DKK2: variants seen among roughly 807,000 people sequenced by gnomAD.
DKK2 encodes dickkopf-related protein 2.
In DKK2, 11 loss-of-function variants were observed where a neutral mutation model predicts 28.1. The ratio of observed to expected loss-of-function variants is 0.39; its 90% CI spans 0.25 to 0.65. The LOEUF (loss-of-function observed/expected upper bound fraction) is 0.65. Ranked by LOEUF, DKK2 falls within the 30% of genes least tolerant of loss-of-function variation. The pLI is 0.47. For synonymous variants in DKK2, 135 were observed against 126.5 expected (o/e 1.07, Z -0.45); for missense variants, 326 against 335.5 (o/e 0.97, Z 0.22).
intron 1 of DKK2, among the ~76,000 whole-genome samples, chr4:106,935,088 TA>T (rs2110341426): frequency 6.6e-6 from 1 of 152,114 alleles, no homozygotes; most frequent in Non-Finnish European, 1.5e-5. Flanking sequence ...ACCTTTTGGT[TA>T]AAAAAGCATG....
chr4:106,956,899 A>C (rs1722602182), intron 1 of DKK2, among the ~76,000 whole-genome samples: 1 of 150,964 alleles, frequency 6.6e-6, no homozygotes, highest in African/African-American at 2.4e-5. Flanking sequence ...AAAATTGACA[A>C]ATGGGATCTA....
At position 106,924,664 on chromosome 4, in the gene DKK2, G is replaced by C; in HGVS notation, c.410C>G (p.Pro137Arg). 1.9e-6 allele frequency: 3 copies of C among 1,613,762 alleles called. No homozygotes were observed. Among genetic ancestry groups the C allele is most frequent in the Non-Finnish European group, 2.5e-6 (3 of 1,179,792 alleles). ...CIPVTESILT[P>R]HIPALDGTRH... ...AGTACCATCCAGAGCCGGGATGTGAGGGGTTAAGATGCTTTCAGTAACTGG... is the reference window on the plus strand; with the variant it reads ...AGTACCATCCAGAGCCGGGATGTGACGGGTTAAGATGCTTTCAGTAACTGG... The change falls in exon 3 of 4, where the codon CCT becomes CGT. Residue 137 changes from proline (P) to arginine (R), a missense_variant. Coordinates refer to ENST00000285311, the MANE Select transcript of DKK2 (RefSeq NM_014421.3).
chr4:106,991,645 A>G (rs896761904), intron 1 of DKK2, among the ~76,000 whole-genome samples: 5 of 152,108 alleles, frequency 3.3e-5, no homozygotes, highest in South Asian at 2.1e-4. Flanking sequence ...CACAGGCCCA[A>G]TTTGCCACAG....
chr4:106,946,661 T>C (rs1310149044), intron 1 of DKK2, among the ~76,000 whole-genome samples: 3 of 151,942 alleles, frequency 2.0e-5, no homozygotes, highest in Non-Finnish European at 4.4e-5. Flanking sequence ...ACATTGTGAA[T>C]CAAAATGCTC....
intron 1 of DKK2, among the ~76,000 whole-genome samples, chr4:107,001,280 A>G (rs766998166): frequency 6.6e-6 from 1 of 152,190 alleles, no homozygotes; most frequent in Non-Finnish European, 1.5e-5. Context: ...CAGAGAGAAC[A>G]TGGTTCTGCC....
intron 1 of DKK2, among the ~76,000 whole-genome samples, chr4:106,971,346 C>A (rs1404774438): frequency 6.6e-6 from 1 of 152,034 alleles, no homozygotes; most frequent in East Asian, 1.9e-4. Context: ...CCCCAGAATT[C>A]ACTTCAATGT....
At chr4:106,943,691 G>A (rs1165767285) in intron 1 of DKK2, among the ~76,000 whole-genome samples, 2 of 152,058 alleles carry the variant, frequency 1.3e-5, no homozygotes, top group Non-Finnish European at 2.9e-5. Flanking sequence ...ACTATCATCA[G>A]TTCTGCATTA....
intron 1 of DKK2, among the ~76,000 whole-genome samples, chr4:106,980,204 A>G (rs1723007981): frequency 1.3e-5 from 2 of 152,134 alleles, no homozygotes; most frequent in African/African-American, 4.8e-5. Flanking sequence ...CATCTGAAGC[A>G]CTAGTATTAT....
chr4:106,937,345 C>A (rs1233373920), intron 1 of DKK2, among the ~76,000 whole-genome samples: 4 of 133,074 alleles, frequency 3.0e-5, no homozygotes, highest in Admixed American at 7.7e-5. Flanking sequence ...GACTTTAAAC[C>A]AACAAAGATC....
chr4:106,938,747 A>T (rs1463258019), intron 1 of DKK2, among the ~76,000 whole-genome samples: 5 of 152,044 alleles, frequency 3.3e-5, no homozygotes, highest in Admixed American at 3.3e-4. Flanking sequence ...GCAGCACATC[A>T]AAAAGCTTAT....
intron 1 of DKK2, among the ~76,000 whole-genome samples, chr4:106,973,224 T>G (rs1722895284): frequency 1.3e-5 from 2 of 152,326 alleles, no homozygotes; most frequent in South Asian, 4.1e-4. Context: ...TATAGTTGAA[T>G]GATTTATAAT....
At chr4:107,001,057 G>GA (rs200413533) in intron 1 of DKK2, among the ~76,000 whole-genome samples, 1,447 of 136,860 alleles carry the variant, frequency 0.011, 61 homozygotes, top group Admixed American at 0.08. Context: ...CTCTTCTGAC[G>GA]AAAAAAAAAA....
chr4:107,028,531 G>C (rs1723828232), intron 1 of DKK2, among the ~76,000 whole-genome samples: 1 of 151,902 alleles, frequency 6.6e-6, no homozygotes, highest in Non-Finnish European at 1.5e-5. Flanking sequence ...CGTTATTGTT[G>C]TTATTGTTAT....
At chr4:106,966,190 T>G (rs453128) in intron 1 of DKK2, among the ~76,000 whole-genome samples, 69,317 of 152,032 alleles carry the variant, frequency 0.46, 16,927 homozygotes, top group African/African-American at 0.63. Context: ...AATAAGTCAG[T>G]GATAATTAAT....
At chr4:107,021,898 G>C (rs1452935648) in intron 1 of DKK2, among the ~76,000 whole-genome samples, 3 of 152,148 alleles carry the variant, frequency 2.0e-5, no homozygotes, top group Non-Finnish European at 4.4e-5. Flanking sequence ...CTACAAGTCA[G>C]CCTGACTGTC....
In DKK2 at chr4:106,921,802, T is replaced by C. The variant is rs402586; in HGVS notation, c.*2152A>G. On this transcript the variant is annotated 3_prime_UTR_variant, in exon 4 of 4. Transcript: ENST00000285311. ...TAGACAAAAGACAAGGAGCTTTGAA[T>C]TCAGTTTTTAGAGGAGAAAAATTTA... The C allele has an allele frequency of 0.28, 43,224 of 152,328 alleles. 6,366 individuals carry two copies. The highest frequency in any genetic ancestry group is 0.35 in the African/African-American group (14,672 of 41,428). 9.4% of individuals were successfully genotyped at this position (152,328 alleles called of 1,614,324 possible).
At chr4:107,003,815 T>A (rs1429871537) in intron 1 of DKK2, among the ~76,000 whole-genome samples, 1 of 152,198 alleles carries the variant, frequency 6.6e-6, no homozygotes, top group Non-Finnish European at 1.5e-5. Flanking sequence ...ACCTCAGACC[T>A]ACAAAATCAG....
At chr4:106,967,077 A>C (rs924647330) in intron 1 of DKK2, among the ~76,000 whole-genome samples, 6 of 152,196 alleles carry the variant, frequency 3.9e-5, no homozygotes, top group African/African-American at 1.4e-4. Context: ...GGATATCAAC[A>C]AAGTTCTTCA....
intron 1 of DKK2, among the ~76,000 whole-genome samples, chr4:106,968,617 AAGT>A (rs955840064): frequency 3.1e-4 from 18 of 58,690 alleles, no homozygotes; most frequent in African/African-American, 1.3e-3. Flanking sequence ...ATTTACTTTT[AAGT>A]AAAGTTTCTG....
Sources: gnomAD v4.1 joint callset for allele counts (sites outside exome capture counted in the v4.1 genomes callset) on GRCh38, gnomAD v4.1.1 for gene constraint, MANE v1.5 for transcripts, NCBI Gene and HGNC (gene_info 2026-07-23, HGNC 2026-07-21) for gene names.